The following ZC3H12C variants were observed in gnomAD, a reference collection of about 807,000 sequenced individuals.
ZC3H12C encodes zinc finger CCCH-type containing 12C.
Under a neutral mutation model 76.3 loss-of-function variants are expected in ZC3H12C, and 20 were observed. The observed-to-expected ratio is 0.26, with a 90% confidence interval of 0.18 to 0.38. ZC3H12C has a LOEUF of 0.38. Among genes scored for constraint, ZC3H12C ranks in the 10% least tolerant of loss-of-function variants. The pLI is 1.00. For missense variants in ZC3H12C, 874 were observed against 1,086.5 expected (o/e 0.80, Z 2.75); for synonymous variants, 352 against 399.6 (o/e 0.88, Z 1.42).
intron 1 of ZC3H12C, among the ~76,000 whole-genome samples, chr11:110,116,027 T>C (rs1196623665): frequency 6.6e-6 from 1 of 152,212 alleles, no homozygotes; most frequent in African/African-American, 2.4e-5. Context: ...CCCAAAGTGC[T>C]GGGATTACAG....
intron 1 of ZC3H12C, among the ~76,000 whole-genome samples, chr11:110,128,664 T>C (rs948501283): frequency 4.6e-5 from 7 of 152,162 alleles, no homozygotes; most frequent in Admixed American, 3.9e-4. Context: ...CTGACCTCAG[T>C]GTCTCTTCTA....
At chr11:110,117,911 ATATT>A (rs1861573374) in intron 1 of ZC3H12C, among the ~76,000 whole-genome samples, 2 of 116,572 alleles carry the variant, frequency 1.7e-5, no homozygotes, top group Non-Finnish European at 3.6e-5. Context: ...ACACACATAT[ATATT>A]ATATATATAC....
At chr11:110,114,129 A>T (rs1461417943) in intron 1 of ZC3H12C, among the ~76,000 whole-genome samples, 2 of 152,172 alleles carry the variant, frequency 1.3e-5, no homozygotes, top group African/African-American at 4.8e-5. Context: ...GGGAGTATTC[A>T]TCACACAGTT....
chr11:110,152,899 G>T lies in ZC3H12C; in HGVS notation c.774-20G>T, dbSNP rs1038437061. The T allele has an allele frequency of 6.2e-7, 1 of 1,606,668 alleles. No individual in the cohort carries two copies. Among genetic ancestry groups the T allele is most frequent in the East Asian group, 2.2e-5 (1 of 44,756 alleles). ...ATTTAGGTTTTGTTGTGTTTTAAGTGTTCCGTAATAATCTTTCAGCCATGG... is the reference window on the plus strand; with the variant it reads ...ATTTAGGTTTTGTTGTGTTTTAAGTTTTCCGTAATAATCTTTCAGCCATGG... On this transcript the variant is annotated intron_variant, in intron 2 of 5. Transcript: ENST00000278590.
At position 110,136,852 on chromosome 11, in the gene ZC3H12C, G is replaced by A. The variant is rs374918698; in HGVS notation, c.211G>A (p.Val71Ile). 154 of 1,613,720 alleles carry A rather than the reference G, an allele frequency of 9.5e-5. No homozygotes were observed. Among genetic ancestry groups the A allele is most frequent in the Non-Finnish European group, 1.3e-4 (150 of 1,179,852 alleles). ...STVENPSMDT[V>I]NVGKDEKEAS... ...AGTAGAAAACCCAAGTATGGATACC[G>A]TTAATGTGGGGAAGGATGAAAAAGA... The change falls in exon 2 of 6, where the codon GTT becomes ATT. Residue 71 changes from valine to isoleucine, a missense_variant. This residue lies in a region of ZC3H12C where 210 missense variants were observed against 227.1 expected (regional missense o/e 0.92). Coordinates refer to ENST00000278590, the MANE Select transcript of ZC3H12C (RefSeq NM_033390.2).
chr11:110,119,488 C>T (rs942194614), intron 1 of ZC3H12C, among the ~76,000 whole-genome samples: 4 of 152,206 alleles, frequency 2.6e-5, no homozygotes, highest in Non-Finnish European at 5.9e-5. Flanking sequence ...GACCTGGCTT[C>T]CCTTAACCTT....
chr11:110,163,204 T>A (rs922232395), intron 4 of ZC3H12C, 69 bp from the exon 5 acceptor site: 14 of 1,371,172 alleles, frequency 1.0e-5, no homozygotes, highest in Non-Finnish European at 1.4e-5. Context: ...AACAAATCTT[T>A]GTACTCTTTT....
At chr11:110,120,114 G>T (rs948218398) in intron 1 of ZC3H12C, among the ~76,000 whole-genome samples, 1 of 152,120 alleles carries the variant, frequency 6.6e-6, no homozygotes. Flanking sequence ...CTGAAACCTT[G>T]GGGAGAGGAG....
intron 1 of ZC3H12C, among the ~76,000 whole-genome samples, chr11:110,127,563 ATAATAATCTTACT>A (rs1313243275): frequency 6.6e-6 from 1 of 152,090 alleles, no homozygotes; most frequent in Non-Finnish European, 1.5e-5. Flanking sequence ...AAAATCTGAT[ATAATAATCTTACT>A]TCCATGGTGT....
intron 1 of ZC3H12C, among the ~76,000 whole-genome samples, chr11:110,129,941 C>T (rs1861830086): frequency 6.6e-6 from 1 of 151,970 alleles, no homozygotes; most frequent in Admixed American, 6.6e-5. Context: ...TCTGGGATAA[C>T]AAGTTTACTC....
At chr11:110,115,983 C>T (rs1861521163) in intron 1 of ZC3H12C, among the ~76,000 whole-genome samples, 1 of 152,102 alleles carries the variant, frequency 6.6e-6, no homozygotes. Context: ...TGGTCTTGAA[C>T]TCCTGACCTC....
intron 1 of ZC3H12C, among the ~76,000 whole-genome samples, chr11:110,124,846 G>A (rs944615841): frequency 4.6e-5 from 7 of 151,080 alleles, no homozygotes; most frequent in African/African-American, 1.7e-4. Flanking sequence ...GAAGAGTGAT[G>A]TCATTGAAAA....
chr11:110,161,504 G>A (rs1369513344), intron 4 of ZC3H12C, among the ~76,000 whole-genome samples: 1 of 152,156 alleles, frequency 6.6e-6, no homozygotes, highest in Non-Finnish European at 1.5e-5. Flanking sequence ...TTCACCTCTT[G>A]TGCTAATTAA....
intron 1 of ZC3H12C, among the ~76,000 whole-genome samples, chr11:110,115,298 C>CATTT (rs961748768): frequency 2.5e-4 from 38 of 151,304 alleles, no homozygotes; most frequent in African/African-American, 7.0e-4. Flanking sequence ...TTTATTTTTT[C>CATTT]ATTTATTTAT....
chr11:110,140,581 C>T (rs1862051330), intron 2 of ZC3H12C, among the ~76,000 whole-genome samples: 1 of 152,174 alleles, frequency 6.6e-6, no homozygotes, highest in African/African-American at 2.4e-5. Context: ...CCACACCAGT[C>T]TTGTGTTTTT....
intron 2 of ZC3H12C, among the ~76,000 whole-genome samples, chr11:110,146,276 T>C (rs1239965083): frequency 6.6e-6 from 1 of 152,104 alleles, no homozygotes; most frequent in Non-Finnish European, 1.5e-5. Flanking sequence ...GCATGAGCCG[T>C]CGCGCCCGGC....
chr11:110,130,098 T>C (rs967929920), intron 1 of ZC3H12C, among the ~76,000 whole-genome samples: 8 of 152,214 alleles, frequency 5.3e-5, no homozygotes, highest in African/African-American at 1.9e-4. Context: ...TGTTGTATAT[T>C]AAAATATAAT....
At chr11:110,151,147 A>G (rs1862265228) in intron 2 of ZC3H12C, among the ~76,000 whole-genome samples, 1 of 152,184 alleles carries the variant, frequency 6.6e-6, no homozygotes, top group African/African-American at 2.4e-5. Flanking sequence ...ATAGTACAGT[A>G]TCCTGTTTTA....
chr11:110,110,027 C>T (rs1861399299), intron 1 of ZC3H12C, among the ~76,000 whole-genome samples: 1 of 152,104 alleles, frequency 6.6e-6, no homozygotes, highest in African/African-American at 2.4e-5. Context: ...TGAATCTCAA[C>T]TTTGAAGTCA....
Sources: allele counts gnomAD v4.1 joint callset (sites outside exome capture counted in the v4.1 genomes callset), GRCh38; gene constraint gnomAD v4.1.1; regional missense constraint gnomAD v4.1.1; transcripts MANE v1.5; gene names NCBI Gene and HGNC (gene_info 2026-07-23, HGNC 2026-07-21).